The following PHLDB2 variants were observed in gnomAD, a reference collection of about 807,000 sequenced individuals.
PHLDB2 encodes the protein pleckstrin homology-like domain family B member 2.
Under a neutral mutation model 123.6 loss-of-function variants are expected in PHLDB2, and 71 were observed. The observed-to-expected ratio is 0.57, with a 90% CI of 0.47 to 0.70. The LOEUF is 0.70. Among genes scored for constraint, PHLDB2 ranks in the 30% least tolerant of loss-of-function variants. The pLI is 0.00. For synonymous variants in PHLDB2, 547 were observed against 541.6 expected (o/e 1.01, Z -0.14); for missense variants, 1,446 against 1,519.5 (o/e 0.95, Z 0.80).
intron 1 of PHLDB2, among the ~76,000 whole-genome samples, chr3:111,874,586 G>T (rs768263178): frequency 6.6e-6 from 1 of 152,156 alleles, no homozygotes; most frequent in Non-Finnish European, 1.5e-5. Flanking sequence ...GTCCTAGCAG[G>T]GGGGTGGGAA....
intron 1 of PHLDB2, among the ~76,000 whole-genome samples, chr3:111,862,135 C>A (rs1420197508): frequency 6.6e-6 from 1 of 152,236 alleles, no homozygotes; most frequent in East Asian, 1.9e-4. Context: ...AGCCACCACA[C>A]CCGGTCTCCT....
intron 1 of PHLDB2, among the ~76,000 whole-genome samples, chr3:111,834,193 T>C: frequency 1.1e-5 from 1 of 91,546 alleles, no homozygotes; most frequent in Non-Finnish European, 2.0e-5. Flanking sequence ...ATTATATATG[T>C]AATAGAATTA....
In PHLDB2 at chr3:111,885,012, T is replaced by C. The variant is rs1240820883; in HGVS notation, c.935T>C (p.Leu312Ser). ...TTTTCTTCTTTGAGCTCAGGGGCTT[T>C]ACCCTATAAAACCTCTGCTTCTGAA... is the stretch of plus-strand genomic sequence containing the variant. ...LNFSSLSSGA[L>S]PYKTSASEGN... The change falls in exon 2 of 18, where the codon TTA (leucine) becomes TCA (serine). Residue 312 changes from leucine (L) to serine (S), a missense_variant. Around this residue, in one of 3 missense-constraint regions of PHLDB2, gnomAD observed 832 missense variants for 831.9 expected, o/e 1.00. Transcript: ENST00000431670. The C allele has an allele frequency of 2.5e-6, 4 of 1,614,106 alleles. No individual in the cohort carries two copies. In the African/African-American group the frequency reaches 5.3e-5, roughly 22 times the overall value.
intron 1 of PHLDB2, among the ~76,000 whole-genome samples, chr3:111,784,463 G>T (rs1357677118): frequency 1.3e-5 from 2 of 152,210 alleles, no homozygotes; most frequent in Admixed American, 1.3e-4. Flanking sequence ...TGCCTCAGTG[G>T]TAGTGGAAGC....
intron 1 of PHLDB2, among the ~76,000 whole-genome samples, chr3:111,763,716 C>T (rs1346014875): frequency 6.6e-6 from 1 of 151,942 alleles, no homozygotes; most frequent in African/African-American, 2.4e-5. Context: ...AGGACAAAGC[C>T]CTTGTGATTA....
At chr3:111,761,868 T>C (rs1328736365) in intron 1 of PHLDB2, among the ~76,000 whole-genome samples, 1 of 152,128 alleles carries the variant, frequency 6.6e-6, no homozygotes, top group Non-Finnish European at 1.5e-5. Context: ...ACATTTTTTT[T>C]TAATAGCAGA....
intron 1 of PHLDB2, among the ~76,000 whole-genome samples, chr3:111,832,292 T>A (rs2063080036): frequency 6.6e-6 from 1 of 152,158 alleles, no homozygotes; most frequent in Non-Finnish European, 1.5e-5. Flanking sequence ...AATCCAACAA[T>A]CTTTTCAACT....
chr3:111,831,022 A>AAAGAAAGAAAGAAAGAAAGG (rs2062992475), intron 1 of PHLDB2, among the ~76,000 whole-genome samples: 1 of 111,492 alleles, frequency 9.0e-6, no homozygotes, highest in Non-Finnish European at 1.9e-5. Context: ...AGAAAGAAAG[A>AAAGAAAGAAAGAAAGAAAGG]AAGAAAGAAA....
At chr3:111,829,469 G>T (rs1290494776) in intron 1 of PHLDB2, among the ~76,000 whole-genome samples, 2 of 83,400 alleles carry the variant, frequency 2.4e-5, no homozygotes, top group African/African-American at 4.7e-5. Flanking sequence ...TTTTTTTTTG[G>T]TTTTTTTTTT....
chr3:111,823,094 G>A (rs1003474410), intron 1 of PHLDB2, among the ~76,000 whole-genome samples: 1 of 152,220 alleles, frequency 6.6e-6, no homozygotes, highest in Non-Finnish European at 1.5e-5. Context: ...TGATGCTGGA[G>A]TACTCAACCA....
chr3:111,851,789 A>G (rs970540573), intron 2 of PHLDB2, among the ~76,000 whole-genome samples: 2 of 151,818 alleles, frequency 1.3e-5, no homozygotes, highest in African/African-American at 4.8e-5. Flanking sequence ...TCAAAGCCCC[A>G]TCTTTCCCCT....
At chr3:111,834,275 T>TATATATATAATTCTATTATATACATA (rs2063291429) in intron 1 of PHLDB2, among the ~76,000 whole-genome samples, 1 of 134,744 alleles carries the variant, frequency 7.4e-6, no homozygotes, top group Admixed American at 7.9e-5. Context: ...ATATACATAA[T>TATATATATAATTCTATTATATACATA]ATATATAATT....
intron 1 of PHLDB2, among the ~76,000 whole-genome samples, chr3:111,826,218 A>T (rs1217512863): frequency 2.6e-5 from 4 of 152,126 alleles, no homozygotes; most frequent in Non-Finnish European, 4.4e-5. Flanking sequence ...CTGAGGCAGG[A>T]GAATTGCTTG....
intron 2 of PHLDB2, among the ~76,000 whole-genome samples, chr3:111,891,120 G>A (rs1334451381): frequency 6.6e-6 from 1 of 152,040 alleles, no homozygotes. Flanking sequence ...TCAAGTAGAG[G>A]ACATTAATGG....
chr3:111,773,206 C>T (rs2060208303), intron 1 of PHLDB2, among the ~76,000 whole-genome samples: 1 of 152,142 alleles, frequency 6.6e-6, no homozygotes, highest in Non-Finnish European at 1.5e-5. Context: ...ATCAGAAAAG[C>T]GTATTCATTA....
intron 2 of PHLDB2, among the ~76,000 whole-genome samples, chr3:111,896,593 T>C (rs1177306658): frequency 1.3e-5 from 2 of 152,156 alleles, no homozygotes; most frequent in Non-Finnish European, 2.9e-5. Flanking sequence ...TCAGGCGATC[T>C]GCCTGCCTTG....
chr3:111,972,690 G>T (rs2072287902), intron 16 of PHLDB2, among the ~76,000 whole-genome samples: 1 of 151,632 alleles, frequency 6.6e-6, no homozygotes, highest in South Asian at 2.1e-4. Context: ...TTTTTCCTTA[G>T]GAGCAGATAC....
upstream of PHLDB2, among the ~76,000 whole-genome samples, chr3:111,855,502 C>A (rs374346622): frequency 5.2e-5 from 1 of 19,134 alleles, no homozygotes; most frequent in Non-Finnish European, 1.2e-4. Context: ...TTCCTTCCTT[C>A]TTTTCTTTCC....
intron 1 of PHLDB2, among the ~76,000 whole-genome samples, chr3:111,774,739 G>A (rs1025542042): frequency 3.3e-5 from 5 of 152,096 alleles, no homozygotes; most frequent in African/African-American, 4.8e-5. Context: ...CCCCAAATTC[G>A]TGGTGTTTTT....
Sources: gnomAD v4.1 joint callset for allele counts (sites outside exome capture counted in the v4.1 genomes callset) on GRCh38, gnomAD v4.1.1 for gene constraint, gnomAD v4.1.1 regional missense constraint, MANE v1.5 for transcripts, NCBI Gene and HGNC (gene_info 2026-07-23, HGNC 2026-07-21) for gene names.